Variants in ACACA observed in about 807,000 individuals in gnomAD.
ACACA encodes the protein acetyl-CoA carboxylase alpha.
Under a neutral mutation model 296.1 loss-of-function variants are expected in ACACA, and 103 were observed. The ratio of observed to expected loss-of-function variants is 0.35; its 90% CI spans 0.30 to 0.41. ACACA has a LOEUF of 0.41. Among genes scored for constraint, ACACA ranks in the 10% least tolerant of loss-of-function variants. The pLI, the probability that ACACA is intolerant of heterozygous loss-of-function variation, is 1.00. For missense variants in ACACA, 1,554 were observed against 2,989.7 expected, an observed-to-expected ratio of 0.52 and a Z score of 11.20; for synonymous variants, 953 against 1,038.6, an observed-to-expected ratio of 0.92 and a Z score of 1.58.
chr17:37,232,438 C>T (rs1338816553), intron 25 of ACACA, among the ~76,000 whole-genome samples: 1 of 152,078 alleles, frequency 6.6e-6, no homozygotes, highest in Non-Finnish European at 1.5e-5. Flanking sequence ...AAGAATAATC[C>T]AAACAACCAA....
intron 3 of ACACA, among the ~76,000 whole-genome samples, chr17:37,291,405 A>G (rs558173147): frequency 1.3e-5 from 2 of 151,784 alleles, no homozygotes; most frequent in African/African-American, 2.4e-5. Flanking sequence ...CGAGCTCCCA[A>G]CCTCAGGTGA....
Position 37,187,785 on chromosome 17 carries a change from A to G in ACACA, c.4776+492T>C, listed in dbSNP as rs559807135. Among the ~76,000 whole-genome samples, 4 of 152,348 alleles carry G rather than the reference A, an allele frequency of 2.6e-5. No individual in the cohort carries two copies. In the East Asian group the frequency reaches 7.7e-4, roughly 29 times the overall value. On this transcript the variant is annotated intron_variant, in intron 39 of 55. Coordinates refer to ENST00000616317, the MANE Select transcript of ACACA (RefSeq NM_198834.3). Reference sequence around the variant, plus strand: ...CAGAAACAGAACACAATAGATAAATATGATAGACACTGATGATGGTAGTGC... The same window carrying G: ...CAGAAACAGAACACAATAGATAAATGTGATAGACACTGATGATGGTAGTGC...
chr17:37,244,224 C>T (rs965511357), intron 21 of ACACA, among the ~76,000 whole-genome samples: 5 of 151,772 alleles, frequency 3.3e-5, no homozygotes, highest in South Asian at 4.2e-4. Context: ...AAATTAGCCG[C>T]GCCTGGTGGC....
chr17:37,104,670 G>A (rs934241211), intron 52 of ACACA, among the ~76,000 whole-genome samples: 1 of 152,216 alleles, frequency 6.6e-6, no homozygotes, highest in Non-Finnish European at 1.5e-5. Flanking sequence ...GGCTGGACAC[G>A]GTGGGTCATG....
chr17:37,155,904 G>A (rs544440514), intron 42 of ACACA, 124 bp from the exon 43 acceptor site: 15 of 716,044 alleles, frequency 2.1e-5, no homozygotes, highest in Non-Finnish European at 3.5e-5. Flanking sequence ...CACTTCTTAG[G>A]TTTACTGTCT....
intron 9 of ACACA, 93 bp downstream of exon 9, chr17:37,274,100 T>C (rs2082175410): frequency 9.7e-7 from 1 of 1,026,806 alleles, no homozygotes; most frequent in African/African-American, 1.6e-5. Flanking sequence ...AACACCACCT[T>C]GGGTATATAT....
At position 37,375,648 on chromosome 17, in the gene ACACA, A is replaced by G. The variant is rs116053569; in HGVS notation, c.38+30614T>C. ...AGTCCTAGTTTCCTGCTCTATTTCT[A>G]TAATTCCTGCTCTAGAAATTATATT... On this transcript the variant is annotated intron_variant, in intron 1 of 55. Transcript: ENST00000616317. Among the ~76,000 whole-genome samples, 1,256 of 152,274 alleles carry G rather than the reference A, an allele frequency of 8.2e-3. 18 individuals carry two copies. The highest frequency in any genetic ancestry group is 0.028 in the African/African-American group (1,179 of 41,564).
intron 45 of ACACA, among the ~76,000 whole-genome samples, chr17:37,147,784 C>T (rs2075875363): frequency 6.6e-6 from 1 of 152,162 alleles, no homozygotes; most frequent in Admixed American, 6.5e-5. Context: ...ATTTATCTTT[C>T]ACCCTGTAAC....
At chr17:37,297,113 C>T (rs982968444) in intron 3 of ACACA, among the ~76,000 whole-genome samples, 1 of 151,844 alleles carries the variant, frequency 6.6e-6, no homozygotes, top group Non-Finnish European at 1.5e-5. Context: ...TATGTATAGC[C>T]ATGAGGTTTT....
At chr17:37,145,926 C>T (rs187601391) in intron 45 of ACACA, among the ~76,000 whole-genome samples, 7 of 152,098 alleles carry the variant, frequency 4.6e-5, no homozygotes, top group Admixed American at 4.6e-4. Flanking sequence ...GCAAGACAGA[C>T]ATGGAAAGAA....
intron 54 of ACACA, among the ~76,000 whole-genome samples, chr17:37,096,639 A>T (rs565744093): frequency 1.3e-5 from 2 of 151,998 alleles, no homozygotes; most frequent in South Asian, 4.2e-4. Flanking sequence ...ATTGTGCATA[A>T]CCTCTTTATT....
intron 45 of ACACA, chr17:37,141,558 A>C (rs879905702): frequency 2.3e-5 from 4 of 174,412 alleles, no homozygotes; most frequent in Admixed American, 6.1e-5. Flanking sequence ...TTACCACGCC[A>C]ACCTGATTTT....
intron 3 of ACACA, among the ~76,000 whole-genome samples, chr17:37,321,097 C>T (rs1322179237): frequency 6.6e-6 from 1 of 152,058 alleles, no homozygotes; most frequent in Non-Finnish European, 1.5e-5. Flanking sequence ...CCTATTATTA[C>T]CATTATTTTT....
chr17:37,249,018 C>T (rs1294363393), intron 16 of ACACA, among the ~76,000 whole-genome samples: 3 of 152,122 alleles, frequency 2.0e-5, no homozygotes, highest in Non-Finnish European at 4.4e-5. Context: ...CCCAATTTCG[C>T]CCTCCCCCCA....
At chr17:37,101,757 T>A (rs1470003877) in intron 52 of ACACA, among the ~76,000 whole-genome samples, 1 of 152,244 alleles carries the variant, frequency 6.6e-6, no homozygotes, top group Non-Finnish European at 1.5e-5. Flanking sequence ...CCCATTCAGA[T>A]GCAATTTCCT....
At chr17:37,162,754 TG>T in intron 41 of ACACA, 1 of 205,130 alleles carries the variant, frequency 4.9e-6, no homozygotes, top group Non-Finnish European at 9.9e-6. Context: ...CTCTGGTACT[TG>T]GTATCTCAGC....
chr17:37,305,961 T>C (rs968273640), intron 3 of ACACA, among the ~76,000 whole-genome samples: 5 of 137,850 alleles, frequency 3.6e-5, no homozygotes, highest in Non-Finnish European at 6.1e-5. Flanking sequence ...CGGGCTGGAG[T>C]GCAGTGGCAC....
At chr17:37,303,158 T>G (rs2083710989) in intron 3 of ACACA, among the ~76,000 whole-genome samples, 1 of 152,146 alleles carries the variant, frequency 6.6e-6, no homozygotes, top group Non-Finnish European at 1.5e-5. Context: ...ACTCCTCATT[T>G]CTCCAATATG....
intron 2 of ACACA, among the ~76,000 whole-genome samples, chr17:37,335,531 G>A (rs2048078107): frequency 6.6e-6 from 1 of 152,106 alleles, no homozygotes; most frequent in South Asian, 2.1e-4. Context: ...GAATCTGTGT[G>A]CTTCCTCTCA....
Sources: allele counts gnomAD v4.1 joint callset (sites outside exome capture counted in the v4.1 genomes callset), GRCh38; gene constraint gnomAD v4.1.1; transcripts MANE v1.5; gene names NCBI Gene and HGNC (gene_info 2026-07-23, HGNC 2026-07-21).